CIT: variants seen among roughly 807,000 people sequenced by gnomAD.
The protein encoded by CIT is citron Rho-interacting kinase.
A neutral mutation model predicts 272.7 loss-of-function variants in CIT; 79 were observed. The ratio of observed to expected loss-of-function variants is 0.29; its 90% CI spans 0.24 to 0.35. The LOEUF (loss-of-function observed/expected upper bound fraction) is 0.35, where lower values mean the gene tolerates loss of function less well. Among genes scored for constraint, CIT ranks in the 10% least tolerant of loss-of-function variants. The probability of loss-of-function intolerance (pLI) is 1.00; values close to 1 mark genes in which losing one functional copy is unlikely to be tolerated. For synonymous variants in CIT, 948 were observed against 995.6 expected (o/e 0.95, Z 0.90); for missense variants, 1,909 against 2,618.3 (o/e 0.73, Z 5.91).
intron 32 of CIT, among the ~76,000 whole-genome samples, chr12:119,717,838 C>CCTTTTTTTTTTTTTTTTTTTTTTT (rs1957598855): frequency 7.4e-5 from 6 of 81,332 alleles, no homozygotes; most frequent in Non-Finnish European, 1.4e-4. Flanking sequence ...TGACTTCTTT[C>CCTTTTTTTTTTTTTTTTTTTTTTT]TTTTTTTTTT....
At position 119,708,251 on chromosome 12, in the gene CIT, C is replaced by T. The variant is rs773636399; in HGVS notation, c.5139G>A (p.Leu1713=). The change falls in exon 40 of 48, where the codon CTG becomes CTA. Residue 1713 remains leucine (L), a synonymous_variant. Transcript: ENST00000392521. ...TGGGTGAGATGTCGGGCTGGGCAGGCAGGTGGGACTGGGCCAGGGACTGTT... is the reference window on the plus strand; with the variant it reads ...TGGGTGAGATGTCGGGCTGGGCAGGTAGGTGGGACTGGGCCAGGGACTGTT... ...KVKQSLAQSH[L]PAQPDISPNI... 6.2e-7 allele frequency: 1 copy of T among 1,608,270 alleles called. No homozygotes were observed.
chr12:119,703,520 C>T (rs1159228920), intron 41 of CIT, among the ~76,000 whole-genome samples: 2 of 150,438 alleles, frequency 1.3e-5, no homozygotes, highest in South Asian at 2.1e-4. Flanking sequence ...CCACCTCCCA[C>T]GTTTATGCAA....
intron 23 of CIT, among the ~76,000 whole-genome samples, chr12:119,745,800 T>C (rs766703332): frequency 1.6e-5 from 2 of 122,554 alleles, no homozygotes; most frequent in Non-Finnish European, 1.7e-5. Flanking sequence ...GACTGTGATA[T>C]ACCAATAAAA....
intron 32 of CIT, among the ~76,000 whole-genome samples, chr12:119,716,366 G>A (rs1158713950): frequency 1.0e-4 from 11 of 107,150 alleles, no homozygotes; most frequent in South Asian, 3.3e-4. Flanking sequence ...GCGACAGAGC[G>A]AGACTCTGTC....
intron 10 of CIT, among the ~76,000 whole-genome samples, chr12:119,788,395 G>A (rs1202989597): frequency 6.6e-6 from 1 of 152,160 alleles, no homozygotes; most frequent in Non-Finnish European, 1.5e-5. Context: ...GTGATCCACA[G>A]ACTGGGTCCC....
Position 119,869,078 on chromosome 12 carries a change from T to A in CIT, c.220A>T (p.Ser74Cys), listed in dbSNP as rs1239932696. Residue 74 changes from serine (S) to cysteine (C), a missense_variant, in exon 3 of 48, where the codon AGC becomes TGC. By Grantham distance (112) the Ser-to-Cys change is moderately radical. Transcript: ENST00000392521. ...QPALMKIKHVSNFVRKYSDTI... is the reference protein window; with the variant it reads ...QPALMKIKHVCNFVRKYSDTI... ...AACTTACACTTCCGGACAAAGTTGCTCACGTGCTTAATCTTCATCAGAGCA... is the reference window on the plus strand; with the variant it reads ...AACTTACACTTCCGGACAAAGTTGCACACGTGCTTAATCTTCATCAGAGCA... The A allele has an allele frequency of 1.2e-6, 2 of 1,611,316 alleles. No individual in the cohort carries two copies. The highest frequency in any genetic ancestry group is 3.4e-5 in the Admixed American group (2 of 58,748).
intron 9 of CIT, among the ~76,000 whole-genome samples, chr12:119,817,334 AC>A (rs1967281170): frequency 6.6e-6 from 1 of 151,880 alleles, no homozygotes; most frequent in Non-Finnish European, 1.5e-5. Flanking sequence ...ACATGGTAAA[AC>A]CCTGTCTCTA....
intron 24 of CIT, among the ~76,000 whole-genome samples, chr12:119,740,106 G>A (rs1469972450): frequency 2.0e-5 from 3 of 152,182 alleles, no homozygotes; most frequent in Non-Finnish European, 4.4e-5. Context: ...GCTGAAATGT[G>A]GGTGAAGGGC....
chr12:119,742,750 G>A, intron 23 of CIT: 4 of 273,426 alleles, frequency 1.5e-5, no homozygotes, highest in South Asian at 1.1e-4. Context: ...AGGAGAAAAG[G>A]GAAAAAAAGC....
At position 119,702,169 on chromosome 12, in the gene CIT, A is replaced by G. The variant is rs141110994; in HGVS notation, c.5305-211T>C. ...ACCTAGGTTAGAGTGCAGTGGTGTG[A>G]TCATAGCTCACTGCAGCCTCAAACT... On this transcript the variant is annotated intron_variant, in intron 41 of 47. Transcript: ENST00000392521. Among the ~76,000 whole-genome samples, 3,110 of 151,348 alleles carry G rather than the reference A, an allele frequency of 0.021. 48 individuals are homozygous for G. The highest frequency in any genetic ancestry group is 0.038 in the African/African-American group (1,554 of 41,130).
chr12:119,866,607 C>T (rs1030369541), intron 3 of CIT, among the ~76,000 whole-genome samples: 9 of 151,906 alleles, frequency 5.9e-5, no homozygotes, highest in South Asian at 4.2e-4. Context: ...TTTCTTGAGG[C>T]CAGGAGTTCA....
chr12:119,696,387 T>A (rs1483906869), intron 46 of CIT, among the ~76,000 whole-genome samples: 1 of 152,206 alleles, frequency 6.6e-6, no homozygotes, highest in Non-Finnish European at 1.5e-5. Flanking sequence ...GACTCTGCCT[T>A]GACAGAGACC....
Position 119,770,739 on chromosome 12 carries a change from C to T in CIT, c.2208+46G>A, listed in dbSNP as rs1217403949. Reference sequence around the variant, plus strand: ...CTTCTTACCCCCTTCCCTTTGCAAACTCTAACCTGTTATCTTTTAACTTTG... The same window carrying T: ...CTTCTTACCCCCTTCCCTTTGCAAATTCTAACCTGTTATCTTTTAACTTTG... On this transcript the variant is annotated intron_variant, in intron 18 of 47. Transcript: ENST00000392521. The surrounding 1 kb of genome is among the most constrained non-coding windows in gnomAD (Gnocchi z 4.4). 2 of 1,611,010 alleles carry T rather than the reference C, an allele frequency of 1.2e-6. No individual in the cohort carries two copies. Among genetic ancestry groups the T allele is most frequent in the South Asian group, 2.2e-5 (2 of 90,856 alleles).
intron 47 of CIT, among the ~76,000 whole-genome samples, chr12:119,689,444 T>A (rs1955793780): frequency 6.6e-6 from 1 of 152,026 alleles, no homozygotes; most frequent in Non-Finnish European, 1.5e-5. Context: ...ATATCTATGT[T>A]TGAAAAAAGC....
chr12:119,803,457 C>T (rs540326649), intron 9 of CIT, 68 bp from the exon 10 acceptor site: 11 of 1,168,984 alleles, frequency 9.4e-6, no homozygotes, highest in South Asian at 9.1e-5. Context: ...AACACTGTTG[C>T]GGAGAAGATC....
Position 119,803,345 on chromosome 12 carries a change from A to G in CIT, c.1156T>C (p.Ser386Pro). ...VPTLKSDDDT[S>P]NFDEPEKNSW... ...TTCTTCTCTGGTTCATCAAAATTGG[A>G]GGTGTCATCGTCAGACTTGAGGGTG... The change falls in exon 10 of 48, where the codon TCC becomes CCC. Residue 386 changes from serine (S) to proline (P), a missense_variant. Around this residue, in one of 8 missense-constraint regions of CIT, gnomAD observed 529 missense variants for 549.6 expected, o/e 0.96. Transcript: ENST00000392521. 6.2e-7 allele frequency: 1 copy of G among 1,604,088 alleles called. No homozygotes were observed. The highest frequency in any genetic ancestry group is 8.5e-7 in the Non-Finnish European group (1 of 1,175,614).
chr12:119,825,323 C>G lies in CIT; in HGVS notation c.799G>C (p.Glu267Gln), dbSNP rs1659436879. The change falls in exon 8 of 48, where the codon GAA becomes CAA. Residue 267 changes from glutamate (E) to glutamine (Q), a missense_variant. Glu to Gln is a conservative substitution (Grantham distance 29). Around this residue, in one of 8 missense-constraint regions of CIT, gnomAD observed 529 missense variants for 549.6 expected, o/e 0.96. Coordinates refer to ENST00000392521, the MANE Select transcript of CIT (RefSeq NM_001206999.2). ...TCCCCGTTCATCACAGTCAGCACTT[C>G]AGGAGCCATGTAATCTGGGGTCCCA... ...PIGTPDYMAPEVLTVMNGDGK... is the reference protein window; with the variant it reads ...PIGTPDYMAPQVLTVMNGDGK... The G allele has an allele frequency of 1.9e-6, 3 of 1,614,158 alleles. No homozygotes were observed. In the African/African-American group the frequency reaches 4.0e-5, roughly 22 times the overall value.
chr12:119,690,141 G>A lies in CIT; in HGVS notation c.6186+10C>T. On this transcript the variant is annotated intron_variant, in intron 47 of 47. Transcript: ENST00000392521. The surrounding 1 kb of genome is among the most constrained non-coding windows in gnomAD (Gnocchi z 6.0). ...GCAACAGACACACAGGCCTCGGAAT[G>A]CTGCCTCACCTTGTTCACCTGGGAC... The A allele has an allele frequency of 7.6e-6, 11 of 1,456,508 alleles. No homozygotes were observed. Among genetic ancestry groups the A allele is most frequent in the Non-Finnish European group, 9.9e-6 (11 of 1,112,038 alleles). The allele number at this position is 1,456,508 out of a possible 1,614,324, so 90.2% of individuals were successfully genotyped here.
intron 32 of CIT, among the ~76,000 whole-genome samples, chr12:119,716,625 T>A (rs150950608): frequency 1.0e-3 from 155 of 152,224 alleles, no homozygotes; most frequent in African/African-American, 2.9e-3. Context: ...GTCCTTTTAA[T>A]CTCTAGGTAA....
Sources: gnomAD v4.1 joint callset for allele counts (sites outside exome capture counted in the v4.1 genomes callset) on GRCh38, gnomAD v4.1.1 for gene constraint, gnomAD v4.1.1 regional missense constraint, Gnocchi (gnomAD v3.1) non-coding constraint, MANE v1.5 for transcripts, NCBI Gene and HGNC (gene_info 2026-07-23, HGNC 2026-07-21) for gene names.